COX10: variants seen among roughly 807,000 people sequenced by gnomAD.
COX10 encodes protoheme IX farnesyltransferase, mitochondrial.
COX10 carries 27 observed loss-of-function variants against 37.3 expected under a neutral mutation model. The ratio of observed to expected loss-of-function variants is 0.72; its 90% CI spans 0.53 to 1.00. The LOEUF is 1.00. Ranked by LOEUF, COX10 falls within the 50% of genes least tolerant of loss-of-function variation. COX10 has a pLI of 0.00. For synonymous variants in COX10, 222 were observed against 229.1 expected (o/e 0.97, Z 0.28); for missense variants, 475 against 563.2 (o/e 0.84, Z 1.59).
chr17:14,206,769 G>A (rs1177456685), intron 6 of COX10, 41 bp from the exon 7 acceptor site: 1 of 1,611,906 alleles, frequency 6.2e-7, no homozygotes, highest in Admixed American at 1.7e-5. Context: ...CTCTGGTGAT[G>A]ACTGCCTTTG....
intron 4 of COX10, among the ~76,000 whole-genome samples, chr17:14,109,745 CT>C (rs1915972412): frequency 6.6e-6 from 1 of 152,146 alleles, no homozygotes; most frequent in Admixed American, 6.6e-5. Flanking sequence ...ACCAGGTTAA[CT>C]GCTGACATCC....
At chr17:14,173,488 G>A (rs549133891) in intron 5 of COX10, among the ~76,000 whole-genome samples, 1 of 152,360 alleles carries the variant, frequency 6.6e-6, no homozygotes, top group East Asian at 1.9e-4. Flanking sequence ...CAGGCAAGAT[G>A]AACATGGTGA....
intron 5 of COX10, among the ~76,000 whole-genome samples, chr17:14,172,942 C>T (rs538028977): frequency 6.6e-6 from 1 of 152,260 alleles, no homozygotes; most frequent in South Asian, 2.1e-4. Context: ...ATCTTTCTGT[C>T]TTGGCCTCCC....
At position 14,207,105 on chromosome 17, in the gene COX10, G is replaced by A. The variant is rs780313876; in HGVS notation, c.1224G>A (p.Ser408=). ...ACGTGGACGCAGACCGCAGGAGCTC[G>A]CGGAGACTGTTCTTCTGCAGCCTGT... ...RFYVDADRRS[S]RRLFFCSLWH... The change falls in exon 7 of 7, where the codon TCG becomes TCA. Residue 408 remains serine (S), a synonymous_variant. Transcript: ENST00000261643. The A allele has an allele frequency of 1.7e-5, 27 of 1,613,724 alleles. No homozygotes were observed. The highest frequency in any genetic ancestry group is 5.5e-5 in the South Asian group (5 of 91,092).
chr17:14,144,145 G>A (rs993233213), intron 4 of COX10, among the ~76,000 whole-genome samples: 12 of 152,074 alleles, frequency 7.9e-5, no homozygotes, highest in African/African-American at 2.4e-4. Flanking sequence ...GTGACCAGAT[G>A]TATATTATAA....
At chr17:14,125,729 A>T (rs141382647) in intron 4 of COX10, among the ~76,000 whole-genome samples, 40 of 152,308 alleles carry the variant, frequency 2.6e-4, no homozygotes, top group Admixed American at 2.5e-3. Flanking sequence ...ACATGTCAAT[A>T]CTTAAGTAGG....
chr17:14,184,052 A>G (rs1905950754), intron 5 of COX10, among the ~76,000 whole-genome samples: 1 of 152,182 alleles, frequency 6.6e-6, no homozygotes, highest in Admixed American at 6.5e-5. Context: ...TTAATTCTTA[A>G]GACAACTCTA....
intron 3 of COX10, among the ~76,000 whole-genome samples, chr17:14,080,382 T>G (rs947239763): frequency 1.3e-5 from 2 of 151,876 alleles, no homozygotes; most frequent in Admixed American, 6.6e-5. Context: ...CCTGGCTAAT[T>G]TTTTGTATTT....
chr17:14,108,401 A>G (rs1029881485), intron 4 of COX10, among the ~76,000 whole-genome samples: 28 of 152,218 alleles, frequency 1.8e-4, no homozygotes, highest in African/African-American at 6.5e-4. Context: ...CTTTAAGGAA[A>G]ACCATTGATG....
At chr17:14,189,723 A>T (rs1906144716) in intron 5 of COX10, among the ~76,000 whole-genome samples, 1 of 152,238 alleles carries the variant, frequency 6.6e-6, no homozygotes, top group Non-Finnish European at 1.5e-5. Flanking sequence ...GAACTTTTTG[A>T]AGTCCCCTTG....
chr17:14,173,364 C>T (rs1234900692), intron 5 of COX10, among the ~76,000 whole-genome samples: 5 of 152,182 alleles, frequency 3.3e-5, no homozygotes, highest in East Asian at 3.9e-4. Context: ...GAAGGCCATT[C>T]GGACAGGAGT....
intron 3 of COX10, among the ~76,000 whole-genome samples, chr17:14,082,946 G>A (rs564350596): frequency 1.6e-3 from 246 of 152,260 alleles, no homozygotes; most frequent in South Asian, 3.3e-3. Flanking sequence ...GGTAGGCAGC[G>A]AGTACTAGTC....
At chr17:14,107,803 A>T (rs1228957633) in intron 4 of COX10, among the ~76,000 whole-genome samples, 1 of 152,096 alleles carries the variant, frequency 6.6e-6, no homozygotes, top group Non-Finnish European at 1.5e-5. Context: ...TTCCTAGCAG[A>T]TTGTCTCCTC....
At chr17:14,197,632 C>T (rs571414426) in intron 6 of COX10, among the ~76,000 whole-genome samples, 2 of 152,372 alleles carry the variant, frequency 1.3e-5, no homozygotes, top group East Asian at 3.9e-4. Context: ...GTTGTGAAAG[C>T]TAAGCAAATG....
At chr17:14,110,067 G>A (rs1915978440) in intron 4 of COX10, among the ~76,000 whole-genome samples, 1 of 152,034 alleles carries the variant, frequency 6.6e-6, no homozygotes. Context: ...TTAGCTTTAA[G>A]GAGAACCATT....
intron 4 of COX10, among the ~76,000 whole-genome samples, chr17:14,134,636 C>G (rs1357523037): frequency 6.6e-6 from 1 of 151,780 alleles, no homozygotes; most frequent in South Asian, 2.1e-4. Context: ...TGTGGTGTAA[C>G]ACACTCTTGG....
chr17:14,204,089 C>A (rs186873480), intron 6 of COX10, among the ~76,000 whole-genome samples: 1 of 152,064 alleles, frequency 6.6e-6, no homozygotes, highest in Non-Finnish European at 1.5e-5. Context: ...TGAGTTTGGG[C>A]GCACTTTACT....
chr17:14,165,894 C>G (rs970748064), intron 5 of COX10, among the ~76,000 whole-genome samples: 1 of 152,234 alleles, frequency 6.6e-6, no homozygotes, highest in African/African-American at 2.4e-5. Flanking sequence ...TAAGCAGCCA[C>G]AGCATTGCCT....
At chr17:14,093,437 A>T (rs1020580076) in intron 3 of COX10, among the ~76,000 whole-genome samples, 30 of 151,262 alleles carry the variant, frequency 2.0e-4, no homozygotes, top group Admixed American at 1.8e-3. Flanking sequence ...AGTGGGACTT[A>T]AAAAAAAACA....
Sources: gnomAD v4.1 joint callset for allele counts (sites outside exome capture counted in the v4.1 genomes callset) on GRCh38, gnomAD v4.1.1 for gene constraint, MANE v1.5 for transcripts, NCBI Gene and HGNC (gene_info 2026-07-23, HGNC 2026-07-21) for gene names.